RORA: variants seen among roughly 807,000 people sequenced by gnomAD.
The protein encoded by RORA is RAR related orphan receptor A.
In RORA, 7 loss-of-function variants were observed where a neutral mutation model predicts 69.5. The ratio of observed to expected loss-of-function variants is 0.10; its 90% CI spans 0.06 to 0.19. The LOEUF (loss-of-function observed/expected upper bound fraction) is 0.19, where lower values mean the gene tolerates loss of function less well. Among genes scored for constraint, RORA ranks in the 10% least tolerant of loss-of-function variants. RORA has a pLI of 1.00. For synonymous variants in RORA, 261 were observed against 240.8 expected (o/e 1.08, Z -0.78); for missense variants, 457 against 663.0 (o/e 0.69, Z 3.41).
intron 2 of RORA, among the ~76,000 whole-genome samples, chr15:60,632,698 C>G (rs908463764): frequency 6.6e-6 from 1 of 152,032 alleles, no homozygotes; most frequent in African/African-American, 2.4e-5. Context: ...ACAACTCACA[C>G]GCATCGGGTG....
chr15:60,567,138 GC>G (rs1354530171), intron 2 of RORA, among the ~76,000 whole-genome samples: 2 of 151,092 alleles, frequency 1.3e-5, no homozygotes, highest in Non-Finnish European at 2.9e-5. Context: ...TATGTTTCTA[GC>G]CATTAATAAC....
chr15:61,015,380 G>A (rs540997439), intron 1 of RORA, among the ~76,000 whole-genome samples: 55 of 152,068 alleles, frequency 3.6e-4, no homozygotes, highest in African/African-American at 1.3e-3. Flanking sequence ...AGCATTGTGG[G>A]AATCATTTAA....
chr15:61,057,724 A>G (rs1440223268), intron 1 of RORA, among the ~76,000 whole-genome samples: 1 of 152,148 alleles, frequency 6.6e-6, no homozygotes, highest in East Asian at 1.9e-4. Flanking sequence ...GAAAAGTGCT[A>G]GCCTTTGTAC....
rs115534761 is a variant in RORA, at chr15:60,637,964, C to T, written c.196+40693G>A. ...TAAAGTTTTAGGTCTTAGGTGAAAA[C>T]GATGCAGTGTTAGCTCTTGTGTCTA... On this transcript the variant is annotated intron_variant, in intron 2 of 10. Coordinates refer to ENST00000335670, the MANE Select transcript of RORA (RefSeq NM_134261.3). 1.9e-3 allele frequency among the ~76,000 whole-genome samples: 289 copies of T among 152,134 alleles called. 1 individual carries two copies. The highest frequency in any genetic ancestry group is 6.3e-3 in the African/African-American group (262 of 41,500).
At chr15:60,689,976 G>A (rs1472754426) in intron 1 of RORA, among the ~76,000 whole-genome samples, 1 of 152,190 alleles carries the variant, frequency 6.6e-6, no homozygotes, top group Non-Finnish European at 1.5e-5. Context: ...CCACACAGGT[G>A]TTTGCCTGTG....
At chr15:61,205,412 A>C (rs1200175639) in intron 1 of RORA, among the ~76,000 whole-genome samples, 1 of 152,236 alleles carries the variant, frequency 6.6e-6, no homozygotes, top group Non-Finnish European at 1.5e-5. Flanking sequence ...CGCCTCTGCC[A>C]AGCCACAGTC....
chr15:60,790,772 G>A (rs978044704), intron 1 of RORA, among the ~76,000 whole-genome samples: 15 of 152,130 alleles, frequency 9.9e-5, no homozygotes, highest in East Asian at 1.9e-4. Context: ...AATGCACAGC[G>A]CTCTTGTCCT....
At chr15:61,021,978 T>G (rs1012691148) in intron 1 of RORA, among the ~76,000 whole-genome samples, 1 of 152,188 alleles carries the variant, frequency 6.6e-6, no homozygotes, top group African/African-American at 2.4e-5. Flanking sequence ...TCAGAATAAG[T>G]GCCCTTGGTC....
chr15:60,855,013 C>T (rs184608701), intron 1 of RORA, among the ~76,000 whole-genome samples: 49 of 152,302 alleles, frequency 3.2e-4, no homozygotes, highest in African/African-American at 5.8e-4. Context: ...TTTTGAGCAT[C>T]GCACAGTAAC....
chr15:60,860,221 T>C (rs951918908), intron 1 of RORA, among the ~76,000 whole-genome samples: 1 of 152,212 alleles, frequency 6.6e-6, no homozygotes, highest in African/African-American at 2.4e-5. Flanking sequence ...ACCAAATCTG[T>C]GTTCTCAAAC....
At chr15:61,120,879 G>A (rs369551733) in intron 1 of RORA, among the ~76,000 whole-genome samples, 4 of 150,904 alleles carry the variant, frequency 2.7e-5, no homozygotes, top group East Asian at 2.0e-4. Flanking sequence ...ATCGAGTCTC[G>A]CTTTGTCTCC....
chr15:60,644,394 T>C (rs911851401), intron 2 of RORA, among the ~76,000 whole-genome samples: 11 of 152,220 alleles, frequency 7.2e-5, no homozygotes, highest in Non-Finnish European at 1.5e-5. Context: ...GTCTCCTGTT[T>C]TGGGGGGCTG....
intron 1 of RORA, among the ~76,000 whole-genome samples, chr15:61,031,578 T>G (rs1472935559): frequency 6.6e-6 from 1 of 152,090 alleles, no homozygotes; most frequent in East Asian, 1.9e-4. Context: ...AAATTGGTGG[T>G]TGGGGGAGGA....
chr15:60,631,890 T>C (rs1416489797), intron 2 of RORA, among the ~76,000 whole-genome samples: 1 of 152,198 alleles, frequency 6.6e-6, no homozygotes, highest in Non-Finnish European at 1.5e-5. Flanking sequence ...TTGTAAACAC[T>C]GGCTATCAAC....
At position 60,592,429 on chromosome 15, in the gene RORA, T is replaced by A. The variant is rs1044834292; in HGVS notation, c.197-60578A>T. On this transcript the variant is annotated intron_variant, in intron 2 of 10. Transcript: ENST00000335670. ...ACAAAATACATCATTTAAGCCGCGGTGCGGAGAGCGCAGGGAGAGCGGATG... is the reference window on the plus strand; with the variant it reads ...ACAAAATACATCATTTAAGCCGCGGAGCGGAGAGCGCAGGGAGAGCGGATG... 2.3e-5 allele frequency: 33 copies of A among 1,427,524 alleles called. No individual in the cohort carries two copies. The Admixed American group carries it at 6.2e-4, about 27-fold the overall frequency. The allele number at this position is 1,427,524 out of a possible 1,614,324, so 88.4% of individuals were successfully genotyped here. A position where few individuals can be genotyped will look rare whatever the true frequency, so the allele number is the denominator to read the frequency against.
At chr15:61,102,530 A>C (rs906780757) in intron 1 of RORA, among the ~76,000 whole-genome samples, 2 of 152,178 alleles carry the variant, frequency 1.3e-5, no homozygotes, top group African/African-American at 4.8e-5. Context: ...AGCTCTTCTT[A>C]AAACATCCTT....
chr15:60,843,518 A>G (rs967985290), intron 1 of RORA, among the ~76,000 whole-genome samples: 1 of 152,136 alleles, frequency 6.6e-6, no homozygotes, highest in Non-Finnish European at 1.5e-5. Context: ...CACACAAACC[A>G]ACTGTTCTTG....
chr15:61,217,555 C>A (rs558587441), intron 1 of RORA, among the ~76,000 whole-genome samples: 1 of 152,112 alleles, frequency 6.6e-6, no homozygotes, highest in East Asian at 1.9e-4. Flanking sequence ...ACCATAAATG[C>A]CTGGTCTGAG....
chr15:60,826,205 T>G (rs1016495469), intron 1 of RORA, among the ~76,000 whole-genome samples: 1 of 152,150 alleles, frequency 6.6e-6, no homozygotes, highest in Admixed American at 6.5e-5. Context: ...TACTGGCACA[T>G]GCTTGGCACT....
Sources: allele counts gnomAD v4.1 joint callset (sites outside exome capture counted in the v4.1 genomes callset), GRCh38; gene constraint gnomAD v4.1.1; transcripts MANE v1.5; gene names NCBI Gene and HGNC (gene_info 2026-07-23, HGNC 2026-07-21).